Variants in CHIT1 observed in about 807,000 individuals in gnomAD.
CHIT1 encodes chitinase 1.
A neutral mutation model predicts 52.0 loss-of-function variants in CHIT1; 47 were observed. The observed-to-expected ratio is 0.90, with a 90% CI of 0.71 to 1.15. The LOEUF is 1.15. CHIT1 is among the 50% of genes most tolerant of loss of function. The pLI is 0.00. For missense variants in CHIT1, 569 were observed against 583.0 expected (o/e 0.98, Z 0.25); for synonymous variants, 242 against 228.2 (o/e 1.06, Z -0.54).
intron 7 of CHIT1, among the ~76,000 whole-genome samples, chr1:203,220,601 C>G (rs1049680258): frequency 3.3e-5 from 5 of 152,168 alleles, no homozygotes; most frequent in African/African-American, 1.2e-4. Flanking sequence ...ATTCCTTAAG[C>G]CAAGAGTATG....
Position 203,229,626 on chromosome 1 carries a change from GACCGC to G in CHIT1, c.6_10del (p.Arg3CysfsTer66). Reference sequence around the variant, plus strand: ...CGACGGCTCACCTGCCCAGGCCACAGACCGCACCATGATGCAGCTCAGCGGCAGGC... The same window carrying G: ...CGACGGCTCACCTGCCCAGGCCACAGACCATGATGCAGCTCAGCGGCAGGC... On this transcript the variant is annotated frameshift_variant, in exon 1 of 11. Transcript: ENST00000367229. LOFTEE classifies it high-confidence loss of function. 1 of 1,614,090 alleles carries G rather than the reference GACCGC, an allele frequency of 6.2e-7. No individual in the cohort carries two copies. The highest frequency in any genetic ancestry group is 1.1e-5 in the South Asian group (1 of 91,060).
chr1:203,218,002 C>G lies in CHIT1; in HGVS notation c.1030-137G>C, dbSNP rs577271761. On this transcript the variant is annotated intron_variant, in intron 9 of 10. Transcript: ENST00000367229. ...TGTGAGTGGCTGTAGATTCTGGAGA[C>G]AGCCTTGGGCTGGGAGCCTGGATGC... 485 of 1,535,686 alleles carry G rather than the reference C, an allele frequency of 3.2e-4. 1 individual carries two copies. Among genetic ancestry groups the G allele is most frequent in the Non-Finnish European group, 3.9e-4 (452 of 1,146,060 alleles).
chr1:203,218,965 G>A (rs2244783), intron 9 of CHIT1, among the ~76,000 whole-genome samples: 31,114 of 152,172 alleles, frequency 0.2, 3,945 homozygotes, highest in East Asian at 0.6. Flanking sequence ...TATGTCTGTA[G>A]AATTTGTATG....
chr1:203,222,223 A>G lies in CHIT1; in HGVS notation c.708T>C (p.Gly236=), dbSNP rs763218219. The change falls in exon 7 of 11, where the codon GGT becomes GGC. Residue 236 remains glycine (G), a synonymous_variant. Coordinates refer to ENST00000367229, the MANE Select transcript of CHIT1 (RefSeq NM_003465.3). ...GTACCACGTTGAGGCTGGCTGCTGCACCACTCTCTTCTTGCCTCTTGTAGA... is the reference window on the plus strand; with the variant it reads ...GTACCACGTTGAGGCTGGCTGCTGCGCCACTCTCTTCTTGCCTCTTGTAGA... ...SPLYKRQEES[G]AAASLNVDAA... 1.6e-5 allele frequency: 26 copies of G among 1,613,984 alleles called. No homozygotes were observed. In the Middle Eastern group the frequency reaches 5.0e-4, roughly 31 times the overall value.
chr1:203,227,173 C>T (rs935386076), intron 2 of CHIT1, among the ~76,000 whole-genome samples: 18 of 152,152 alleles, frequency 1.2e-4, no homozygotes, highest in African/African-American at 4.3e-4. Context: ...TCAACTAGAA[C>T]CCGAGAGCAT....
intron 3 of CHIT1, 25 bp downstream of exon 3, chr1:203,225,644 A>G: frequency 1.3e-6 from 2 of 1,541,330 alleles, no homozygotes; most frequent in Non-Finnish European, 8.9e-7. Context: ...CATCCCACCC[A>G]CCCTGCTCCT....
Position 203,216,851 on chromosome 1 carries a change from C to T in CHIT1, c.*38G>A, listed in dbSNP as rs781393233. The T allele has an allele frequency of 2.5e-6, 4 of 1,612,816 alleles. No individual in the cohort carries two copies. The highest frequency in any genetic ancestry group is 2.7e-5 in the African/African-American group (2 of 74,906). On this transcript the variant is annotated 3_prime_UTR_variant, in exon 11 of 11. Coordinates refer to ENST00000367229, the MANE Select transcript of CHIT1 (RefSeq NM_003465.3). The stretch of plus-strand genomic sequence containing the variant: ...AGGCAGGCTGTAGAGTGATCCTGGG[C>T]CCAGCCTCAAAGCTGGGACTGGAGG...
intron 9 of CHIT1, 107 bp downstream of exon 9, chr1:203,219,109 A>G: frequency 1.3e-6 from 1 of 770,444 alleles, no homozygotes; most frequent in Non-Finnish European, 2.4e-6. Context: ...AAATGTTGGG[A>G]CATTTAAAGG....
At chr1:203,227,420 T>C (rs1656966581) in intron 2 of CHIT1, among the ~76,000 whole-genome samples, 1 of 152,238 alleles carries the variant, frequency 6.6e-6, no homozygotes, top group Non-Finnish European at 1.5e-5. Flanking sequence ...TGCTGTCGCA[T>C]ATCAAATATT....
At chr1:203,228,739 C>G (rs1349180162) in intron 1 of CHIT1, among the ~76,000 whole-genome samples, 177 bp from the exon 2 acceptor site, 2 of 152,132 alleles carry the variant, frequency 1.3e-5, no homozygotes, top group African/African-American at 4.8e-5. Context: ...GCAGACCAGA[C>G]CACGGGGGTC....
At chr1:203,222,411 T>C in intron 6 of CHIT1, 86 bp from the exon 7 acceptor site, 2 of 1,596,524 alleles carry the variant, frequency 1.3e-6, no homozygotes, top group East Asian at 2.3e-5. Context: ...CCTCAGTGCA[T>C]GGCCTAGGGA....
intron 8 of CHIT1, 86 bp downstream of exon 8, chr1:203,219,578 T>C: frequency 4.7e-6 from 7 of 1,481,362 alleles, no homozygotes; most frequent in Non-Finnish European, 5.7e-6. Flanking sequence ...GCATCCTTAC[T>C]CAGAAACGGT....
At chr1:203,225,514 A>T (rs1656894003) in intron 3 of CHIT1, among the ~76,000 whole-genome samples, 155 bp downstream of exon 3, 1 of 152,178 alleles carries the variant, frequency 6.6e-6, no homozygotes, top group African/African-American at 2.4e-5. Flanking sequence ...TCTTTCATTA[A>T]GCACAGGAGA....
rs200870677 is a variant in CHIT1, at chr1:203,229,650, G to A, written c.-14C>T. ...AGACCGCACCATGATGCAGCTCAGC[G>A]GCAGGCTGCAGCCCATACAAACCAG... On this transcript the variant is annotated 5_prime_UTR_variant, in exon 1 of 11. Coordinates refer to ENST00000367229, the MANE Select transcript of CHIT1 (RefSeq NM_003465.3). The A allele has an allele frequency of 3.5e-5, 57 of 1,613,922 alleles. No individual in the cohort carries two copies. The highest frequency in any genetic ancestry group is 1.2e-4 in the African/African-American group (9 of 75,006).
chr1:203,228,525 CT>C lies in CHIT1; in HGVS notation c.55+7del. On this transcript the variant is annotated splice_region_variant and intron_variant, in intron 2 of 10. Coordinates refer to ENST00000367229, the MANE Select transcript of CHIT1 (RefSeq NM_003465.3). ...GGGGCTGAGGCAGCCAAGAAAGAGG[CT>C]ACTTACCCCATGGGATCATCAGCAG... is the stretch of plus-strand genomic sequence containing the variant. 6.3e-7 allele frequency: 1 copy of C among 1,588,094 alleles called. No homozygotes were observed. Among genetic ancestry groups the C allele is most frequent in the East Asian group, 2.3e-5 (1 of 43,670 alleles).
At chr1:203,217,476 GTCTGGGGGCCC>G in intron 10 of CHIT1, 1 of 1,240,304 alleles carries the variant, frequency 8.1e-7, no homozygotes, top group Non-Finnish European at 1.1e-6. Context: ...GCTGCTCCCA[GTCTGGGGGCCC>G]TCTGGAGGGA....
At chr1:203,217,967 G>A in intron 9 of CHIT1, 102 bp from the exon 10 acceptor site, 1 of 1,541,066 alleles carries the variant, frequency 6.5e-7, no homozygotes, top group Non-Finnish European at 8.7e-7. Flanking sequence ...TGCTCCAGCA[G>A]CCTCAGGCCT....
chr1:203,229,766 G>GA, upstream of CHIT1: 1 of 1,014,072 alleles, frequency 9.9e-7, no homozygotes, highest in Non-Finnish European at 1.5e-6. Flanking sequence ...GGGGGGATGG[G>GA]AGCAGGGTGG....
In CHIT1 at chr1:203,225,871, C is replaced by T; in HGVS notation, c.56-1G>A. ...TAGCAGACCAGTTTTGCAGCAGAGC[C>T]TGGCCCGTTGGAGTAAAGAAAAGGG... On this transcript the variant is annotated splice_acceptor_variant, in intron 2 of 10. Coordinates refer to ENST00000367229, the MANE Select transcript of CHIT1 (RefSeq NM_003465.3). LOFTEE classifies it high-confidence loss of function. 1 of 1,614,180 alleles carries T rather than the reference C, an allele frequency of 6.2e-7. No homozygotes were observed.
Sources: gnomAD v4.1 joint callset for allele counts (sites outside exome capture counted in the v4.1 genomes callset) on GRCh38, gnomAD v4.1.1 for gene constraint, MANE v1.5 for transcripts, NCBI Gene and HGNC (gene_info 2026-07-23, HGNC 2026-07-21) for gene names.